IL16: variants seen among roughly 807,000 people sequenced by gnomAD.
IL16 encodes the protein pro-interleukin-16.
IL16 carries 67 observed loss-of-function variants against 110.1 expected under a neutral mutation model. The ratio of observed to expected loss-of-function variants is 0.61; its 90% CI spans 0.50 to 0.75. The LOEUF (loss-of-function observed/expected upper bound fraction) is 0.75. Ranked by LOEUF, IL16 falls within the 30% of genes least tolerant of loss-of-function variation. The pLI, the probability that IL16 is intolerant of heterozygous loss-of-function variation, is 0.00. For missense variants in IL16, 1,545 were observed against 1,655.0 expected (o/e 0.93, Z 1.15); for synonymous variants, 689 against 662.9 (o/e 1.04, Z -0.61).
chr15:81,210,740 TTTG>T (rs1375546235), intron 1 of IL16, among the ~76,000 whole-genome samples: 1 of 152,216 alleles, frequency 6.6e-6, no homozygotes, highest in Non-Finnish European at 1.5e-5. Flanking sequence ...CTAGCAGACT[TTTG>T]TTGGAGTCTA....
chr15:81,225,966 C>T lies in IL16; in HGVS notation c.312+255C>T, dbSNP rs1447425823. ...ACTCCAAGGTAAACTGAGCCTAGAT[C>T]CCTGATGGAAAATGCCAGATGCAGT... On this transcript the variant is annotated intron_variant, in intron 2 of 18. Transcript: ENST00000683961. 4.6e-5 allele frequency among the ~76,000 whole-genome samples: 7 copies of T among 152,276 alleles called. No individual in the cohort carries two copies. In the East Asian group the frequency reaches 1.3e-3, roughly 29 times the overall value.
intron 2 of IL16, among the ~76,000 whole-genome samples, chr15:81,250,124 G>T (rs754786564): frequency 1.8e-4 from 28 of 151,952 alleles, no homozygotes; most frequent in Non-Finnish European, 3.4e-4. Flanking sequence ...GGAAGTCTTC[G>T]CAGGTCTGAT....
intron 2 of IL16, among the ~76,000 whole-genome samples, chr15:81,246,472 G>GAA (rs1897553822): frequency 6.6e-6 from 1 of 152,144 alleles, no homozygotes; most frequent in African/African-American, 2.4e-5. Flanking sequence ...ATCTGTTAAA[G>GAA]TGGTAAATGA....
intron 1 of IL16, among the ~76,000 whole-genome samples, chr15:81,220,818 G>GA (rs1567002054): frequency 6.9e-6 from 1 of 145,026 alleles, no homozygotes; most frequent in African/African-American, 2.6e-5. Flanking sequence ...AAAATGAAAA[G>GA]GAAGGAAGGA....
intron 18 of IL16, among the ~76,000 whole-genome samples, chr15:81,308,181 C>G (rs953205843): frequency 6.6e-6 from 1 of 152,214 alleles, no homozygotes; most frequent in African/African-American, 2.4e-5. Flanking sequence ...CTCACTAGCT[C>G]TCTTCCCATA....
At chr15:81,276,041 T>A (rs777401006) in intron 6 of IL16, among the ~76,000 whole-genome samples, 2 of 152,212 alleles carry the variant, frequency 1.3e-5, no homozygotes, top group Non-Finnish European at 2.9e-5. Context: ...TCTAGCCCCT[T>A]AGGTAATTAA....
At chr15:81,243,161 ATATTTTTTTTTTTTTTT>A (rs1157623670) in intron 2 of IL16, among the ~76,000 whole-genome samples, 8 of 27,790 alleles carry the variant, frequency 2.9e-4, no homozygotes, top group Non-Finnish European at 5.7e-4. Context: ...ATATATATAT[ATATTTTTTTTTTTTTTT>A]TTTTTTTTTT....
intron 1 of IL16, among the ~76,000 whole-genome samples, chr15:81,212,528 G>C (rs1388492092): frequency 6.6e-6 from 1 of 152,026 alleles, no homozygotes; most frequent in African/African-American, 2.4e-5. Context: ...CTGGAGTGCA[G>C]TGGTGCAATC....
At chr15:81,227,448 G>A (rs1177887388) in intron 2 of IL16, among the ~76,000 whole-genome samples, 1 of 152,094 alleles carries the variant, frequency 6.6e-6, no homozygotes, top group Admixed American at 6.6e-5. Flanking sequence ...GTGCCCACCT[G>A]GGGAAGGGCA....
chr15:81,185,447 C>A (rs1223720456), intron 1 of IL16, among the ~76,000 whole-genome samples: 1 of 151,394 alleles, frequency 6.6e-6, no homozygotes, highest in Non-Finnish European at 1.5e-5. Flanking sequence ...CCTCAACCTC[C>A]TGGGTTCAAG....
At chr15:81,211,449 G>A (rs1415583226) in intron 1 of IL16, among the ~76,000 whole-genome samples, 11 of 152,168 alleles carry the variant, frequency 7.2e-5, no homozygotes, top group Admixed American at 1.3e-4. Flanking sequence ...ACAGGGTTTC[G>A]CCATGTTGGC....
At chr15:81,199,391 G>A (rs1895727286) in intron 1 of IL16, among the ~76,000 whole-genome samples, 1 of 152,200 alleles carries the variant, frequency 6.6e-6, no homozygotes, top group Admixed American at 6.5e-5. Context: ...TCAGGTGGAT[G>A]TGAAGGACGT....
intron 1 of IL16, among the ~76,000 whole-genome samples, chr15:81,186,274 T>A (rs867502291): frequency 6.6e-6 from 1 of 152,338 alleles, no homozygotes; most frequent in Middle Eastern, 3.4e-3. Context: ...TTTTTATTTT[T>A]ACCTACAGCA....
chr15:81,262,027 C>T (rs1476429861), intron 3 of IL16, among the ~76,000 whole-genome samples: 1 of 152,222 alleles, frequency 6.6e-6, no homozygotes, highest in African/African-American at 2.4e-5. Context: ...GATTGTGCCA[C>T]TGCACTCTGG....
chr15:81,202,012 G>T (rs1158377713), intron 1 of IL16, among the ~76,000 whole-genome samples: 6 of 152,206 alleles, frequency 3.9e-5, no homozygotes, highest in African/African-American at 4.8e-5. Flanking sequence ...TGAACTATTA[G>T]TTCCCCAGAA....
At chr15:81,287,583 AT>A (rs565773200) in intron 10 of IL16, among the ~76,000 whole-genome samples, 1 of 152,192 alleles carries the variant, frequency 6.6e-6, no homozygotes, top group Non-Finnish European at 1.5e-5. Flanking sequence ...TCAGTGTGAT[AT>A]TTCCCCCCCA....
upstream of IL16, among the ~76,000 whole-genome samples, chr15:81,193,207 G>T (rs1426760469): frequency 6.6e-6 from 1 of 152,172 alleles, no homozygotes; most frequent in Non-Finnish European, 1.5e-5. Flanking sequence ...TTGGGAAATT[G>T]ATGGATGCTA....
At chr15:81,188,825 A>G (rs1895455554) in intron 1 of IL16, among the ~76,000 whole-genome samples, 1 of 151,790 alleles carries the variant, frequency 6.6e-6, no homozygotes, top group South Asian at 2.1e-4. Flanking sequence ...TGTGTCAGGT[A>G]CTATGCTCAA....
At chr15:81,226,128 G>A (rs1399662657) in intron 2 of IL16, among the ~76,000 whole-genome samples, 5 of 152,234 alleles carry the variant, frequency 3.3e-5, no homozygotes, top group Non-Finnish European at 7.3e-5. Flanking sequence ...CTTATGGCAA[G>A]CAAGGTAAGG....
Sources: allele counts gnomAD v4.1 joint callset (sites outside exome capture counted in the v4.1 genomes callset), GRCh38; gene constraint gnomAD v4.1.1; transcripts MANE v1.5; gene names NCBI Gene and HGNC (gene_info 2026-07-23, HGNC 2026-07-21).